Variants in PPFIA2 observed in about 807,000 individuals in gnomAD.
The protein encoded by PPFIA2 is liprin-alpha-2.
Under a neutral mutation model 175.5 loss-of-function variants are expected in PPFIA2, and 46 were observed. The observed-to-expected ratio is 0.26, with a 90% CI of 0.21 to 0.34. The LOEUF is 0.34. Among genes scored for constraint, PPFIA2 ranks in the 10% least tolerant of loss-of-function variants. The probability of loss-of-function intolerance (pLI) is 1.00; values close to 1 mark genes in which losing one functional copy is unlikely to be tolerated. For synonymous variants in PPFIA2, 568 were observed against 511.4 expected, an observed-to-expected ratio of 1.11 and a Z score of -1.49; for missense variants, 1,179 against 1,506.1, an observed-to-expected ratio of 0.78 and a Z score of 3.60.
chr12:81,271,332 A>G (rs1188533808), intron 28 of PPFIA2, among the ~76,000 whole-genome samples: 1 of 152,060 alleles, frequency 6.6e-6, no homozygotes, highest in East Asian at 1.9e-4. Flanking sequence ...GTGCAATGGC[A>G]TGATCTCTGC....
intron 4 of PPFIA2, among the ~76,000 whole-genome samples, chr12:81,519,977 C>T (rs368590961): frequency 6.6e-6 from 1 of 152,146 alleles, no homozygotes; most frequent in Non-Finnish European, 1.5e-5. Flanking sequence ...ACAACATACT[C>T]TAATAAAAGT....
chr12:81,408,546 G>T (rs1324246177), intron 7 of PPFIA2, among the ~76,000 whole-genome samples: 1 of 152,082 alleles, frequency 6.6e-6, no homozygotes, highest in Non-Finnish European at 1.5e-5. Flanking sequence ...CTGAAATAAA[G>T]CAGGCCATCT....
In PPFIA2 at chr12:81,383,944, CATTACGGGAA is replaced by C. The variant is rs1177285226; in HGVS notation, c.984+69_984+78del. On this transcript the variant is annotated intron_variant, in intron 9 of 32. Coordinates refer to ENST00000549396, the MANE Select transcript of PPFIA2 (RefSeq NM_003625.5). ...TTTTGAGAAGTAAAAAGTGTATGGT[CATTACGGGAA>C]ATTATGGAAACAGTATCTCAGAAGC... 1.7e-5 allele frequency: 20 copies of C among 1,168,804 alleles called. No homozygotes were observed. The African/African-American group carries it at 2.9e-4, about 17-fold the overall frequency. The allele number at this position is 1,168,804 out of a possible 1,614,324, so 72.4% of individuals were successfully genotyped here.
intron 3 of PPFIA2, among the ~76,000 whole-genome samples, chr12:81,714,996 A>G (rs2078410946): frequency 6.6e-6 from 1 of 150,980 alleles, no homozygotes; most frequent in African/African-American, 2.4e-5. Context: ...TAAATAGTCA[A>G]TGGGTGTTAA....
rs11114810 is a variant in PPFIA2, at chr12:81,266,603, G to A, written c.3555+349C>T. ...ATATACTGATATTTAAGAAATACAC[G>A]CACTCTTTATTAAAAAGCTGAATTT... is the stretch of plus-strand genomic sequence containing the variant. On this transcript the variant is annotated intron_variant, in intron 30 of 32. Transcript: ENST00000549396. Among the ~76,000 whole-genome samples, 746 of 151,888 alleles carry A rather than the reference G, an allele frequency of 4.9e-3. 13 individuals are homozygous for A. Among genetic ancestry groups the A allele is most frequent in the African/African-American group, 0.017 (694 of 41,424 alleles).
At chr12:81,484,644 A>G (rs1475195132) in intron 4 of PPFIA2, among the ~76,000 whole-genome samples, 2 of 152,020 alleles carry the variant, frequency 1.3e-5, no homozygotes, top group Non-Finnish European at 2.9e-5. Flanking sequence ...GAGAATATAC[A>G]TGCTAGGCCA....
chr12:81,456,950 T>A (rs1325864487), intron 5 of PPFIA2, among the ~76,000 whole-genome samples: 1 of 151,078 alleles, frequency 6.6e-6, no homozygotes, highest in Non-Finnish European at 1.5e-5. Context: ...AATGGGCAGA[T>A]TTTTTTTTCA....
At chr12:81,745,777 C>T (rs1330806336) in intron 3 of PPFIA2, among the ~76,000 whole-genome samples, 1 of 152,170 alleles carries the variant, frequency 6.6e-6, no homozygotes, top group East Asian at 1.9e-4. Context: ...TGGGCATCCA[C>T]AGCCACTGTG....
chr12:81,326,666 T>C (rs2054845429), intron 21 of PPFIA2, among the ~76,000 whole-genome samples: 3 of 152,134 alleles, frequency 2.0e-5, no homozygotes, highest in South Asian at 2.1e-4. Context: ...TAAACACATA[T>C]CACAGGATTT....
At chr12:81,601,001 T>C (rs1003178687) in intron 4 of PPFIA2, among the ~76,000 whole-genome samples, 1 of 152,006 alleles carries the variant, frequency 6.6e-6, no homozygotes, top group African/African-American at 2.4e-5. Context: ...ATATTCTTAA[T>C]ATAATCTCAT....
intron 4 of PPFIA2, chr12:81,676,588 T>G: frequency 2.9e-6 from 1 of 348,882 alleles, no homozygotes; most frequent in Non-Finnish European, 5.1e-6. Context: ...GAGATAAATT[T>G]TTATGAGTTG....
intron 4 of PPFIA2, among the ~76,000 whole-genome samples, chr12:81,649,609 T>C (rs931759779): frequency 6.6e-6 from 1 of 152,220 alleles, no homozygotes; most frequent in South Asian, 2.1e-4. Context: ...TAGAGCAGAT[T>C]TGTTCATAAT....
At chr12:81,725,490 G>C (rs1044961687) in intron 3 of PPFIA2, among the ~76,000 whole-genome samples, 1 of 150,490 alleles carries the variant, frequency 6.6e-6, no homozygotes, top group Non-Finnish European at 1.5e-5. Context: ...CTGCCTATCC[G>C]AACCTATTAG....
intron 22 of PPFIA2, among the ~76,000 whole-genome samples, chr12:81,304,528 T>A (rs1229098276): frequency 6.6e-6 from 1 of 152,172 alleles, no homozygotes. Flanking sequence ...GCTTATAGTG[T>A]TCTGGGAACA....
chr12:81,439,183 C>T (rs142031124), intron 7 of PPFIA2, among the ~76,000 whole-genome samples: 2 of 148,456 alleles, frequency 1.3e-5, no homozygotes, highest in East Asian at 3.9e-4. Flanking sequence ...CTCTCTCTCT[C>T]TCTATATATA....
intron 4 of PPFIA2, among the ~76,000 whole-genome samples, chr12:81,523,047 T>C (rs1042588143): frequency 2.0e-5 from 3 of 152,206 alleles, no homozygotes; most frequent in Admixed American, 6.5e-5. Context: ...TTACATGAGA[T>C]TGTTTTTTTG....
At chr12:81,535,449 T>C (rs1213317766) in intron 4 of PPFIA2, 2 of 455,360 alleles carry the variant, frequency 4.4e-6, no homozygotes, top group Non-Finnish European at 8.8e-6. Context: ...TAGGTCATGA[T>C]GCTCAATATC....
chr12:81,370,973 T>C (rs2034934005), intron 11 of PPFIA2, among the ~76,000 whole-genome samples: 1 of 151,870 alleles, frequency 6.6e-6, no homozygotes, highest in Non-Finnish European at 1.5e-5. Flanking sequence ...TGAAAAGAAA[T>C]AGTAACCTAT....
At chr12:81,637,236 A>ATTTTTTTTTT (rs71098156) in intron 4 of PPFIA2, among the ~76,000 whole-genome samples, 2 of 65,920 alleles carry the variant, frequency 3.0e-5, no homozygotes, top group South Asian at 6.3e-4. Flanking sequence ...CGCCAGGCTA[A>ATTTTTTTTTT]TTTTTTTTTT....
Sources: gnomAD v4.1 joint callset for allele counts (sites outside exome capture counted in the v4.1 genomes callset) on GRCh38, gnomAD v4.1.1 for gene constraint, MANE v1.5 for transcripts, NCBI Gene and HGNC (gene_info 2026-07-23, HGNC 2026-07-21) for gene names.